MAL2: variants seen among roughly 807,000 people sequenced by gnomAD.
The protein encoded by MAL2 is protein MAL2.
MAL2 carries 17 observed loss-of-function variants against 18.1 expected under a neutral mutation model. The ratio of observed to expected loss-of-function variants is 0.94; its 90% CI spans 0.64 to 1.41. The LOEUF is 1.41. Among genes scored for constraint, MAL2 ranks in the 40% most tolerant of loss-of-function variants. The probability of loss-of-function intolerance (pLI) is 0.00; values close to 1 mark genes in which losing one functional copy is unlikely to be tolerated. For missense variants in MAL2, 222 were observed against 231.9 expected, an observed-to-expected ratio of 0.96 and a Z score of 0.28; for synonymous variants, 102 against 102.3, an observed-to-expected ratio of 1.00 and a Z score of 0.02.
intron 2 of MAL2, among the ~76,000 whole-genome samples, chr8:119,233,794 GAA>G (rs893535205): frequency 2.0e-5 from 3 of 151,752 alleles, no homozygotes; most frequent in African/African-American, 7.3e-5. Flanking sequence ...CCTATCAATA[GAA>G]AAAGAGAGAA....
At chr8:119,212,211 G>A (rs983967104) in intron 1 of MAL2, among the ~76,000 whole-genome samples, 1 of 152,124 alleles carries the variant, frequency 6.6e-6, no homozygotes, top group African/African-American at 2.4e-5. Flanking sequence ...AGCTTATCTT[G>A]TAAAATGCAC....
intron 1 of MAL2, 193 bp from the exon 2 acceptor site, chr8:119,221,394 G>A (rs986414852): frequency 3.3e-6 from 2 of 610,622 alleles, no homozygotes; most frequent in Non-Finnish European, 5.7e-6. Flanking sequence ...CAAGCAGGAG[G>A]ATTGATCTTG....
At chr8:119,237,468 G>T (rs1449260133) in intron 2 of MAL2, among the ~76,000 whole-genome samples, 2 of 151,380 alleles carry the variant, frequency 1.3e-5, no homozygotes, top group East Asian at 1.9e-4. Context: ...TACCAAAGCC[G>T]GGCAGAGAGA....
intron 1 of MAL2, among the ~76,000 whole-genome samples, chr8:119,210,788 C>G (rs529062795): frequency 3.5e-4 from 53 of 152,322 alleles, no homozygotes; most frequent in Non-Finnish European, 5.9e-4. Context: ...AGCATCACTT[C>G]CAAAAGCTTA....
At chr8:119,228,476 T>C (rs991804950) in intron 2 of MAL2, among the ~76,000 whole-genome samples, 5 of 152,076 alleles carry the variant, frequency 3.3e-5, no homozygotes, top group Non-Finnish European at 7.4e-5. Flanking sequence ...TCTTCTTCAG[T>C]GTATCTACTG....
In MAL2 at chr8:119,229,504, G is replaced by A. The variant is rs570891162; in HGVS notation, c.303+7747G>A. 1.2e-4 allele frequency among the ~76,000 whole-genome samples: 18 copies of A among 152,138 alleles called. No homozygotes were observed. In the South Asian group the frequency reaches 3.7e-3, roughly 32 times the overall value. Reference sequence around the variant, plus strand: ...ATTTTTGTATTTTTAGTAGAGATGGGCTTTTGCCATGTTGGCTAGGCTGGT... The same window carrying A: ...ATTTTTGTATTTTTAGTAGAGATGGACTTTTGCCATGTTGGCTAGGCTGGT... On this transcript the variant is annotated intron_variant, in intron 2 of 3. Transcript: ENST00000614891.
intron 2 of MAL2, among the ~76,000 whole-genome samples, chr8:119,237,208 G>A (rs201375577): frequency 0.86 from 129,208 of 149,916 alleles, 57,447 homozygotes; most frequent in Non-Finnish European, 0.97. Context: ...TACATTCCTC[G>A]ACACATACAC....
intron 2 of MAL2, among the ~76,000 whole-genome samples, chr8:119,236,629 T>A (rs1462913804): frequency 1.3e-5 from 2 of 151,456 alleles, no homozygotes; most frequent in Non-Finnish European, 2.9e-5. Flanking sequence ...GAACTCAGGA[T>A]TAAGAATCTC....
At chr8:119,237,864 T>A (rs1247583815) in intron 2 of MAL2, among the ~76,000 whole-genome samples, 1 of 152,166 alleles carries the variant, frequency 6.6e-6, no homozygotes, top group Non-Finnish European at 1.5e-5. Context: ...AAGCATTCCC[T>A]TTGAAAACTG....
At chr8:119,241,502 G>T (rs1181576597) in intron 3 of MAL2, among the ~76,000 whole-genome samples, 1 of 152,072 alleles carries the variant, frequency 6.6e-6, no homozygotes, top group Admixed American at 6.5e-5. Flanking sequence ...GGGAGAGAAA[G>T]ATAACTAGTA....
At chr8:119,229,042 C>A (rs1285275265) in intron 2 of MAL2, among the ~76,000 whole-genome samples, 3 of 152,130 alleles carry the variant, frequency 2.0e-5, no homozygotes, top group African/African-American at 7.2e-5. Flanking sequence ...CATGGGTACT[C>A]TGTTTATGTG....
chr8:119,230,768 A>T (rs1817703809), intron 2 of MAL2, among the ~76,000 whole-genome samples: 1 of 152,206 alleles, frequency 6.6e-6, no homozygotes, highest in African/African-American at 2.4e-5. Context: ...GCATCATTTC[A>T]TTTAGCCATT....
chr8:119,234,107 G>A (rs7004985), intron 2 of MAL2, among the ~76,000 whole-genome samples: 33 of 152,322 alleles, frequency 2.2e-4, no homozygotes, highest in African/African-American at 4.1e-4. Flanking sequence ...TGCGCGCACC[G>A]TGCGCGAGCC....
chr8:119,236,729 G>A (rs1817906827), intron 2 of MAL2, among the ~76,000 whole-genome samples: 1 of 150,528 alleles, frequency 6.6e-6, no homozygotes, highest in Non-Finnish European at 1.5e-5. Context: ...AAATAAAGAT[G>A]TTCTTTGAAA....
At chr8:119,217,103 T>C (rs973013248) in intron 1 of MAL2, among the ~76,000 whole-genome samples, 1 of 152,224 alleles carries the variant, frequency 6.6e-6, no homozygotes, top group Non-Finnish European at 1.5e-5. Flanking sequence ...TATGTATTTT[T>C]CCCATTCCAC....
chr8:119,225,149 T>C (rs1817559215), intron 2 of MAL2, among the ~76,000 whole-genome samples: 2 of 152,216 alleles, frequency 1.3e-5, no homozygotes, highest in African/African-American at 4.8e-5. Context: ...CTTTAGGTTT[T>C]AGGGTACATG....
intron 1 of MAL2, among the ~76,000 whole-genome samples, chr8:119,212,794 G>A (rs1049275426): frequency 6.6e-6 from 1 of 152,146 alleles, no homozygotes; most frequent in Non-Finnish European, 1.5e-5. Context: ...TGGCAAGAAC[G>A]TTCTGTCAGT....
At chr8:119,239,902 A>T (rs1818009856) in intron 2 of MAL2, among the ~76,000 whole-genome samples, 1 of 152,166 alleles carries the variant, frequency 6.6e-6, no homozygotes, top group South Asian at 2.1e-4. Flanking sequence ...AACTTAAAGT[A>T]TAATAATAAA....
intron 2 of MAL2, among the ~76,000 whole-genome samples, chr8:119,238,961 A>G (rs2129913096): frequency 6.6e-6 from 1 of 151,930 alleles, no homozygotes; most frequent in East Asian, 1.9e-4. Flanking sequence ...CTGCACAGCA[A>G]AAGAAACTAT....
Sources: gnomAD v4.1 joint callset for allele counts (sites outside exome capture counted in the v4.1 genomes callset) on GRCh38, gnomAD v4.1.1 for gene constraint, MANE v1.5 for transcripts, NCBI Gene and HGNC (gene_info 2026-07-23, HGNC 2026-07-21) for gene names.